Variants in GOLIM4 observed in about 807,000 individuals in gnomAD.
GOLIM4 encodes 130 kDa golgi-localized phosphoprotein.
Under a neutral mutation model 107.4 loss-of-function variants are expected in GOLIM4, and 71 were observed. The ratio of observed to expected loss-of-function variants is 0.66; its 90% confidence interval spans 0.55 to 0.81. The LOEUF (loss-of-function observed/expected upper bound fraction) is 0.81, where lower values mean the gene tolerates loss of function less well. Among genes scored for constraint, GOLIM4 ranks in the 30% least tolerant of loss-of-function variants. GOLIM4 has a pLI of 0.00. For synonymous variants in GOLIM4, 327 were observed against 294.8 expected, an observed-to-expected ratio of 1.11 and a Z score of -1.12; for missense variants, 830 against 826.1, an observed-to-expected ratio of 1.00 and a Z score of -0.06.
In GOLIM4 at chr3:168,095,514, G is replaced by T; in HGVS notation, c.-229C>A. On this transcript the variant is annotated 5_prime_UTR_variant, in exon 1 of 16. Coordinates refer to ENST00000470487, the MANE Select transcript of GOLIM4 (RefSeq NM_014498.5). ...GCAGCTGCAGCCAAACTTCTGCGAG[G>T]CTCGTTCTCCGCGAATGCCCGGGGC... 2 of 497,852 alleles carry T rather than the reference G, an allele frequency of 4.0e-6. No homozygotes were observed. Among genetic ancestry groups the T allele is most frequent in the Non-Finnish European group, 7.0e-6 (2 of 283,768 alleles). 30.8% of individuals were successfully genotyped at this position (497,852 alleles called of 1,614,324 possible).
At position 168,041,556 on chromosome 3, in the gene GOLIM4, C is replaced by T. The variant is rs1424842077; in HGVS notation, c.518-82G>A. 4.5e-6 allele frequency: 3 copies of T among 665,368 alleles called. No homozygotes were observed. In the South Asian group the frequency reaches 5.4e-5, roughly 12 times the overall value. The allele number at this position is 665,368 out of a possible 1,614,324, so 41.2% of individuals were successfully genotyped here. On this transcript the variant is annotated intron_variant, in intron 5 of 15. Coordinates refer to ENST00000470487, the MANE Select transcript of GOLIM4 (RefSeq NM_014498.5). ...TCTATTATTTTCATATCTAAAGCCACCTATAACTTATTTTAGAATTTATTT... is the reference window on the plus strand; with the variant it reads ...TCTATTATTTTCATATCTAAAGCCATCTATAACTTATTTTAGAATTTATTT...
At chr3:168,087,031 T>A (rs1721663554) in intron 1 of GOLIM4, among the ~76,000 whole-genome samples, 3 of 152,150 alleles carry the variant, frequency 2.0e-5, no homozygotes, top group Non-Finnish European at 1.5e-5. Context: ...AAATTCAGTG[T>A]CTGTATCCAA....
rs1315730143 is a variant in GOLIM4, at chr3:168,015,692, G to C, written c.1861-4869C>G. 3.5e-4 allele frequency among the ~76,000 whole-genome samples: 47 copies of C among 135,886 alleles called. 1 individual carries two copies. The highest frequency in any genetic ancestry group is 5.9e-4 in the Non-Finnish European group (40 of 67,654). The allele number at this position is 135,886 out of a possible 152,430, so 89.1% of individuals were successfully genotyped here. Reference sequence around the variant, plus strand: ...AGCATGGTACTGGTACCAAAAGAGAGATATAGATCAATGGAACAGAACAGA... The same window carrying C: ...AGCATGGTACTGGTACCAAAAGAGACATATAGATCAATGGAACAGAACAGA... On this transcript the variant is annotated intron_variant, in intron 14 of 15. Transcript: ENST00000470487.
chr3:168,071,516 G>C (rs1720828293), intron 1 of GOLIM4, among the ~76,000 whole-genome samples: 1 of 151,828 alleles, frequency 6.6e-6, no homozygotes, highest in Non-Finnish European at 1.5e-5. Flanking sequence ...ATGATAGGTG[G>C]AAACTGTCCC....
At chr3:168,062,335 C>T (rs915904555) in intron 1 of GOLIM4, among the ~76,000 whole-genome samples, 6 of 151,758 alleles carry the variant, frequency 4.0e-5, no homozygotes, top group African/African-American at 1.2e-4. Context: ...AGGATAGTTG[C>T]CATTTCCATT....
intron 8 of GOLIM4, among the ~76,000 whole-genome samples, chr3:168,035,387 A>G: frequency 6.6e-6 from 1 of 152,254 alleles, no homozygotes; most frequent in East Asian, 1.9e-4. Context: ...AAGACATGGA[A>G]TCAACCTAAA....
At chr3:168,011,953 A>G (rs1181903095) in intron 14 of GOLIM4, among the ~76,000 whole-genome samples, 6 of 148,470 alleles carry the variant, frequency 4.0e-5, no homozygotes, top group Non-Finnish European at 8.8e-5. Flanking sequence ...AAAAAACAGA[A>G]CAGAAAAATT....
intron 14 of GOLIM4, among the ~76,000 whole-genome samples, chr3:168,014,891 AAAATAATAAGAGCTATCTATGAC>A (rs1396110433): frequency 2.0e-5 from 3 of 150,704 alleles, no homozygotes; most frequent in Non-Finnish European, 4.4e-5. Flanking sequence ...GACGTATTTC[AAAATAATAAGAGCTATCTATGAC>A]AAACCCACAG....
At chr3:168,079,044 A>G (rs1419582199) in intron 1 of GOLIM4, among the ~76,000 whole-genome samples, 1 of 152,212 alleles carries the variant, frequency 6.6e-6, no homozygotes, top group Non-Finnish European at 1.5e-5. Flanking sequence ...GCAATAATAA[A>G]TTTTGTAAAT....
At chr3:168,028,554 G>A (rs1048962631) in intron 11 of GOLIM4, among the ~76,000 whole-genome samples, 1 of 152,070 alleles carries the variant, frequency 6.6e-6, no homozygotes, top group Admixed American at 6.6e-5. Context: ...TGCACAAAGG[G>A]GTTTACTACA....
At position 168,068,550 on chromosome 3, in the gene GOLIM4, C is replaced by T. The variant is rs538650592; in HGVS notation, c.188-20185G>A. 3.3e-5 allele frequency among the ~76,000 whole-genome samples: 5 copies of T among 151,464 alleles called. No homozygotes were observed. In the East Asian group the frequency reaches 5.8e-4, roughly 18 times the overall value. ...TTTTTCTGCATATCCAGTAAGATAC[C>T]GCAATGTTAACTTAAGGATAGTTTT... On this transcript the variant is annotated intron_variant, in intron 1 of 15. Coordinates refer to ENST00000470487, the MANE Select transcript of GOLIM4 (RefSeq NM_014498.5).
At position 168,043,571 on chromosome 3, in the gene GOLIM4, A is replaced by C. The variant is rs1489359631; in HGVS notation, c.367-42T>G. 34 of 1,510,556 alleles carry C rather than the reference A, an allele frequency of 2.3e-5. No homozygotes were observed. The African/African-American group carries it at 3.7e-4, about 16-fold the overall frequency. The allele number at this position is 1,510,556 out of a possible 1,614,324, so 93.6% of individuals were successfully genotyped here. A position where few individuals can be genotyped will look rare whatever the true frequency, so the allele number is the denominator to read the frequency against. On this transcript the variant is annotated intron_variant, in intron 4 of 15. Coordinates refer to ENST00000470487, the MANE Select transcript of GOLIM4 (RefSeq NM_014498.5). ...TTGAGTAGAAATATACATTCTCTGAATTATATGAGAGTCTATTTCTTGACA... is the reference window on the plus strand; with the variant it reads ...TTGAGTAGAAATATACATTCTCTGACTTATATGAGAGTCTATTTCTTGACA...
At chr3:168,083,834 C>T (rs530076062) in intron 1 of GOLIM4, among the ~76,000 whole-genome samples, 1 of 152,328 alleles carries the variant, frequency 6.6e-6, no homozygotes, top group East Asian at 1.9e-4. Flanking sequence ...CTGTAATTCA[C>T]AATCTCACTA....
intron 2 of GOLIM4, among the ~76,000 whole-genome samples, chr3:168,047,396 G>A (rs1001427404): frequency 6.6e-6 from 1 of 152,124 alleles, no homozygotes; most frequent in Non-Finnish European, 1.5e-5. Flanking sequence ...AATCAAGCCA[G>A]CCAAGCCATC....
At chr3:168,035,459 T>G (rs1446380366) in intron 8 of GOLIM4, among the ~76,000 whole-genome samples, 1 of 152,186 alleles carries the variant, frequency 6.6e-6, no homozygotes, top group African/African-American at 2.4e-5. Context: ...TGGAATACTA[T>G]GCAGTCATAA....
rs765934195 is a variant in GOLIM4, at chr3:168,040,774, T to C, written c.684+12A>G. ...TTGTAAAAGAACCCACAGAGGCTGC[T>C]ACCCTTCTAACCTGTGCAGCAGCTA... is the stretch of plus-strand genomic sequence containing the variant. On this transcript the variant is annotated intron_variant, in intron 7 of 15. Coordinates refer to ENST00000470487, the MANE Select transcript of GOLIM4 (RefSeq NM_014498.5). 3.7e-5 allele frequency: 59 copies of C among 1,575,514 alleles called. 1 individual carries two copies. The highest frequency in any genetic ancestry group is 8.1e-5 in the African/African-American group (6 of 74,000).
At position 168,010,450 on chromosome 3, in the gene GOLIM4, A is replaced by G. The variant is rs780982321; in HGVS notation, c.1942-32T>C. On this transcript the variant is annotated intron_variant, in intron 15 of 15. Transcript: ENST00000470487. ...ATTAAAAGAAAAAAGAAAAACTAAG[A>G]GATAGTATAGAGTTAGTGATAAATA... is the stretch of plus-strand genomic sequence containing the variant. 2.9e-6 allele frequency: 4 copies of G among 1,367,624 alleles called. No individual in the cohort carries two copies. The East Asian group carries it at 6.9e-5, about 23-fold the overall frequency. 84.7% of individuals were successfully genotyped at this position (1,367,624 alleles called of 1,614,324 possible).
intron 14 of GOLIM4, among the ~76,000 whole-genome samples, chr3:168,022,673 C>A (rs970579592): frequency 4.6e-5 from 7 of 152,102 alleles, no homozygotes; most frequent in African/African-American, 1.7e-4. Context: ...CACTCGGGGG[C>A]AGAGAGGAAA....
In GOLIM4 at chr3:168,095,201, C is replaced by G. The variant is rs144707420; in HGVS notation, c.85G>C (p.Gly29Arg). 6.2e-7 allele frequency: 1 copy of G among 1,613,798 alleles called. No homozygotes were observed. The highest frequency in any genetic ancestry group is 8.5e-7 in the Non-Finnish European group (1 of 1,179,994). ...LLTVVFGFLY[G>R]AMLYYELQTQ... Reference sequence around the variant, plus strand: ...TGCAGCTCGTAGTAGAGCATCGCGCCGTAGAGAAAGCCGAACACGACGGTC... The same window carrying G: ...TGCAGCTCGTAGTAGAGCATCGCGCGGTAGAGAAAGCCGAACACGACGGTC... The change falls in exon 1 of 16, where the codon GGC becomes CGC. Residue 29 changes from glycine (G) to arginine (R), a missense_variant. By Grantham distance (125) the Gly-to-Arg change is moderately radical. Coordinates refer to ENST00000470487, the MANE Select transcript of GOLIM4 (RefSeq NM_014498.5).
Sources: allele counts gnomAD v4.1 joint callset (sites outside exome capture counted in the v4.1 genomes callset), GRCh38; gene constraint gnomAD v4.1.1; transcripts MANE v1.5; gene names NCBI Gene and HGNC (gene_info 2026-07-23, HGNC 2026-07-21).